JCAD: variants seen among roughly 807,000 people sequenced by gnomAD.
JCAD encodes junctional cadherin 5-associated protein.
JCAD carries 40 observed loss-of-function variants against 98.0 expected under a neutral mutation model. That is an observed-to-expected ratio of 0.41 (90% CI 0.32 to 0.53). The LOEUF (loss-of-function observed/expected upper bound fraction) is 0.53. JCAD is among the 20% of genes least tolerant of loss of function. JCAD has a pLI of 0.31. For synonymous variants in JCAD, 691 were observed against 682.3 expected (o/e 1.01, Z -0.20); for missense variants, 1,705 against 1,738.1 (o/e 0.98, Z 0.34).
chr10:30,038,702 A>G (rs1411309234), intron 2 of JCAD, among the ~76,000 whole-genome samples: 2 of 150,680 alleles, frequency 1.3e-5, no homozygotes, highest in East Asian at 3.9e-4. Context: ...AAAAAAAAAA[A>G]AAAGAAAGAA....
intron 1 of JCAD, among the ~76,000 whole-genome samples, chr10:30,088,696 G>A (rs749522399): frequency 1.2e-4 from 18 of 152,122 alleles, no homozygotes; most frequent in Non-Finnish European, 1.9e-4. Context: ...GGCTGGGCAC[G>A]GTGGCTCACA....
At chr10:30,058,957 A>T (rs1397011375) in intron 1 of JCAD, among the ~76,000 whole-genome samples, 2 of 151,924 alleles carry the variant, frequency 1.3e-5, no homozygotes, top group East Asian at 1.9e-4. Context: ...CGTCCCGGGC[A>T]GTCCAGACGG....
intron 1 of JCAD, among the ~76,000 whole-genome samples, chr10:30,084,854 CATCCATCTATCT>C (rs1166815746): frequency 6.6e-6 from 1 of 152,020 alleles, no homozygotes; most frequent in East Asian, 1.9e-4. Context: ...TCCATCCATC[CATCCATCTATCT>C]ATCCATCTAC....
upstream of JCAD, among the ~76,000 whole-genome samples, chr10:30,063,998 G>A (rs1466665622): frequency 6.6e-6 from 1 of 151,988 alleles, no homozygotes; most frequent in Middle Eastern, 3.2e-3. Flanking sequence ...GTAGAGTTGG[G>A]TTTTCACCAT....
intron 1 of JCAD, among the ~76,000 whole-genome samples, chr10:30,093,770 A>G (rs1257922371): frequency 1.3e-5 from 2 of 152,154 alleles, no homozygotes; most frequent in African/African-American, 4.8e-5. Flanking sequence ...TCCTTTTGCA[A>G]GAGAGTCACG....
At chr10:30,066,706 A>G (rs569914929) in intron 2 of JCAD, among the ~76,000 whole-genome samples, 2 of 151,938 alleles carry the variant, frequency 1.3e-5, no homozygotes, top group African/African-American at 2.4e-5. Context: ...TAACTCAAGC[A>G]TTTTTTAACC....
intron 1 of JCAD, among the ~76,000 whole-genome samples, chr10:30,114,212 CTTCA>C (rs1437784445): frequency 1.1e-4 from 17 of 152,158 alleles, no homozygotes; most frequent in African/African-American, 2.7e-4. Context: ...AAATTTGGCA[CTTCA>C]TTTTGTGCTG....
In JCAD at chr10:30,082,712, A is replaced by G. The variant is rs542706246; in HGVS notation, n.129-12891T>C. On this transcript the variant is annotated intron_variant and non_coding_transcript_variant, in intron 1 of 2. Transcript: ENST00000465712. ...ACTAAAAACACAAAATTGGCCGGGT[A>G]TGGTGGTGCGTGCCTGTAATCCCAG... 1.4e-4 allele frequency among the ~76,000 whole-genome samples: 21 copies of G among 152,084 alleles called. 2 individuals are homozygous for G. In the South Asian group the frequency reaches 4.4e-3, roughly 32 times the overall value.
chr10:30,090,215 C>G (rs11818781), intron 1 of JCAD, among the ~76,000 whole-genome samples: 101 of 152,344 alleles, frequency 6.6e-4, no homozygotes, highest in African/African-American at 2.3e-3. Flanking sequence ...TATTTGGTTA[C>G]TTGCAGATTG....
At chr10:30,055,598 T>C (rs1837554745) in intron 1 of JCAD, among the ~76,000 whole-genome samples, 1 of 152,220 alleles carries the variant, frequency 6.6e-6, no homozygotes, top group Non-Finnish European at 1.5e-5. Flanking sequence ...GCTGTTACCA[T>C]ACCACACGTG....
chr10:30,101,982 T>A (rs1447456123), intron 1 of JCAD, among the ~76,000 whole-genome samples: 2 of 152,102 alleles, frequency 1.3e-5, no homozygotes, highest in Non-Finnish European at 2.9e-5. Context: ...GCCAGTGTGG[T>A]CTTTGCCTGG....
At chr10:30,076,026 G>C (rs577188486) in intron 1 of JCAD, among the ~76,000 whole-genome samples, 1 of 152,096 alleles carries the variant, frequency 6.6e-6, no homozygotes, top group East Asian at 1.9e-4. Context: ...GTTCAAACAG[G>C]GACTTTTTTT....
At position 30,025,734 on chromosome 10, in the gene JCAD, A is replaced by T. The variant is rs193227796; in HGVS notation, c.4045+369T>A. Among the ~76,000 whole-genome samples the T allele has an allele frequency of 2.1e-3, 312 of 151,826 alleles. 1 individual carries two copies. Among genetic ancestry groups the T allele is most frequent in the African/African-American group, 7.1e-3 (293 of 41,402 alleles). ...GGGATCTCGTCTCTATAAAAAAATT[A>T]AAAAATTAGCTGGAAATGGTGGTGC... On this transcript the variant is annotated intron_variant, in intron 3 of 3. Transcript: ENST00000375377.
Position 30,029,830 on chromosome 10 carries a change from A to G in JCAD, c.318T>C (p.His106=), listed in dbSNP as rs1836953254. 6.2e-7 allele frequency: 1 copy of G among 1,614,044 alleles called. No homozygotes were observed. The highest frequency in any genetic ancestry group is 8.5e-7 in the Non-Finnish European group (1 of 1,180,016). ...CNQPPSAWSS[H]PPTGNDQAYR... is the part of the protein sequence containing the mutation. ...AGGCTTGGTCGTTACCAGTCGGGGG[A>G]TGAGAGGACCATGCTGAGGGGGGTT... Residue 106 remains histidine (H), a synonymous_variant, in exon 3 of 4, where the codon CAT becomes CAC. Coordinates refer to ENST00000375377, the MANE Select transcript of JCAD (RefSeq NM_020848.4).
At chr10:30,113,661 T>C (rs1162366916) in intron 1 of JCAD, among the ~76,000 whole-genome samples, 2 of 144,262 alleles carry the variant, frequency 1.4e-5, no homozygotes, top group Non-Finnish European at 3.0e-5. Flanking sequence ...ACCCTCCTCA[T>C]AGGGCGACTT....
chr10:30,018,527 G>A (rs1827966933), intron 3 of JCAD, among the ~76,000 whole-genome samples: 1 of 152,098 alleles, frequency 6.6e-6, no homozygotes, highest in South Asian at 2.1e-4. Flanking sequence ...GTATGTACGA[G>A]TCTGGCCCCT....
chr10:30,022,733 C>T (rs766499329), intron 3 of JCAD, among the ~76,000 whole-genome samples: 20 of 152,160 alleles, frequency 1.3e-4, no homozygotes, highest in Non-Finnish European at 1.9e-4. Flanking sequence ...TGGTCAATGA[C>T]GGGCCACATA....
chr10:30,063,733 T>C (rs1389203388), upstream of JCAD, among the ~76,000 whole-genome samples: 3 of 152,230 alleles, frequency 2.0e-5, no homozygotes, highest in African/African-American at 4.8e-5. Context: ...CATATCCATC[T>C]GCTATAGTTT....
intron 1 of JCAD, among the ~76,000 whole-genome samples, chr10:30,053,287 T>C (rs1771974613): frequency 6.6e-6 from 1 of 152,112 alleles, no homozygotes; most frequent in Non-Finnish European, 1.5e-5. Flanking sequence ...TTAGCCAGGT[T>C]CACTGGCTCA....
Sources: allele counts gnomAD v4.1 joint callset (sites outside exome capture counted in the v4.1 genomes callset), GRCh38; gene constraint gnomAD v4.1.1; transcripts MANE v1.5; gene names NCBI Gene and HGNC (gene_info 2026-07-23, HGNC 2026-07-21).